ADGRL3: variants seen among roughly 807,000 people sequenced by gnomAD.
ADGRL3 encodes adhesion G protein-coupled receptor L3.
ADGRL3 carries 62 observed loss-of-function variants against 153.5 expected under a neutral mutation model. The ratio of observed to expected loss-of-function variants is 0.40; its 90% CI spans 0.33 to 0.50. The LOEUF (loss-of-function observed/expected upper bound fraction) is 0.50. ADGRL3 is among the 20% of genes least tolerant of loss of function. The pLI, the probability that ADGRL3 is intolerant of heterozygous loss-of-function variation, is 0.47. For synonymous variants in ADGRL3, 710 were observed against 672.5 expected, an observed-to-expected ratio of 1.06 and a Z score of -0.86; for missense variants, 1,641 against 1,859.4, an observed-to-expected ratio of 0.88 and a Z score of 2.16.
chr4:61,584,058 C>CA (rs972365291), intron 4 of ADGRL3, among the ~76,000 whole-genome samples: 25 of 148,738 alleles, frequency 1.7e-4, no homozygotes, highest in African/African-American at 4.4e-4. Flanking sequence ...AACTGAATGG[C>CA]AAAAAACTTT....
At chr4:62,009,550 G>A (rs1036103224) in intron 21 of ADGRL3, among the ~76,000 whole-genome samples, 2 of 152,104 alleles carry the variant, frequency 1.3e-5, no homozygotes, top group East Asian at 3.8e-4. Context: ...AAATAGAAAT[G>A]TACTGAAGTT....
intron 2 of ADGRL3, among the ~76,000 whole-genome samples, chr4:61,406,226 G>A (rs1008218517): frequency 9.2e-5 from 14 of 151,780 alleles, no homozygotes; most frequent in African/African-American, 3.4e-4. Flanking sequence ...CTAACATGTG[G>A]GAAAGCCAAG....
At chr4:61,896,204 T>G (rs894564843) in intron 11 of ADGRL3, among the ~76,000 whole-genome samples, 2 of 152,320 alleles carry the variant, frequency 1.3e-5, no homozygotes, top group Admixed American at 6.5e-5. Context: ...CTTTGGAATC[T>G]TAAGCCATCT....
At chr4:61,708,410 T>C (rs2095893414) in intron 6 of ADGRL3, among the ~76,000 whole-genome samples, 1 of 152,124 alleles carries the variant, frequency 6.6e-6, no homozygotes, top group Admixed American at 6.6e-5. Flanking sequence ...ATATTTAAAA[T>C]ATGGTTTAAA....
chr4:61,742,515 C>G lies in ADGRL3; in HGVS notation c.1399+8961C>G, dbSNP rs370773007. Reference sequence around the variant, plus strand: ...CAGGATGGTCTCTATATCCTGACCTCATGATCCACCCATCTCGGCCTCCCA... The same window carrying G: ...CAGGATGGTCTCTATATCCTGACCTGATGATCCACCCATCTCGGCCTCCCA... On this transcript the variant is annotated intron_variant, in intron 8 of 26. Transcript: ENST00000683033. Among the ~76,000 whole-genome samples, 179 of 152,174 alleles carry G rather than the reference C, an allele frequency of 1.2e-3. 3 individuals are homozygous for G. The highest frequency in any genetic ancestry group is 4.0e-3 in the African/African-American group (166 of 41,514).
chr4:61,825,305 A>T (rs2097790596), intron 9 of ADGRL3, among the ~76,000 whole-genome samples: 1 of 152,190 alleles, frequency 6.6e-6, no homozygotes, highest in South Asian at 2.1e-4. Flanking sequence ...CTCCTTCCCA[A>T]GATTAAGTAT....
intron 9 of ADGRL3, among the ~76,000 whole-genome samples, chr4:61,818,605 T>G (rs2148685547): frequency 6.6e-6 from 1 of 152,270 alleles, no homozygotes; most frequent in Admixed American, 6.5e-5. Context: ...ACATTAGGGA[T>G]TACAATTTGA....
At chr4:61,866,574 C>T (rs1191876967) in intron 9 of ADGRL3, among the ~76,000 whole-genome samples, 1 of 152,066 alleles carries the variant, frequency 6.6e-6, no homozygotes, top group Non-Finnish European at 1.5e-5. Context: ...TAGTACTGGC[C>T]CAGAGCTACT....
At chr4:61,858,266 G>T (rs2098300408) in intron 9 of ADGRL3, among the ~76,000 whole-genome samples, 1 of 152,140 alleles carries the variant, frequency 6.6e-6, no homozygotes, top group African/African-American at 2.4e-5. Flanking sequence ...TTCTGTGGTT[G>T]TAGCCTAGAA....
intron 8 of ADGRL3, among the ~76,000 whole-genome samples, chr4:61,754,259 C>A (rs1208274437): frequency 6.6e-6 from 1 of 152,076 alleles, no homozygotes; most frequent in Non-Finnish European, 1.5e-5. Flanking sequence ...AGTACATATT[C>A]TTATTGAACT....
At chr4:61,494,759 A>T (rs1402348414) in intron 2 of ADGRL3, among the ~76,000 whole-genome samples, 1 of 152,094 alleles carries the variant, frequency 6.6e-6, no homozygotes, top group Non-Finnish European at 1.5e-5. Context: ...TTTGTTTCCC[A>T]TAATATCAAT....
chr4:61,910,214 C>T (rs2098715870), intron 12 of ADGRL3, among the ~76,000 whole-genome samples: 1 of 151,724 alleles, frequency 6.6e-6, no homozygotes, highest in South Asian at 2.1e-4. Context: ...GATTTAAAAA[C>T]TGAGATAATT....
In ADGRL3 at chr4:61,574,819, G is replaced by A. The variant is rs186638238; in HGVS notation, c.260-12408G>A. ...TATAATCCTGAAATGATAATTTTAGGATTTACTGTTTTTGCTCATGTAAAT... is the reference window on the plus strand; with the variant it reads ...TATAATCCTGAAATGATAATTTTAGAATTTACTGTTTTTGCTCATGTAAAT... On this transcript the variant is annotated intron_variant, in intron 4 of 26. Coordinates refer to ENST00000683033, the MANE Select transcript of ADGRL3 (RefSeq NM_001387552.1). 6.4e-3 allele frequency among the ~76,000 whole-genome samples: 965 copies of A among 151,764 alleles called. 6 individuals carry two copies. The highest frequency in any genetic ancestry group is 0.011 in the Non-Finnish European group (722 of 67,768).
chr4:61,362,816 A>G (rs1214525239), intron 1 of ADGRL3, among the ~76,000 whole-genome samples: 1 of 152,130 alleles, frequency 6.6e-6, no homozygotes, highest in Non-Finnish European at 1.5e-5. Context: ...CAAACTATAT[A>G]AAGTTTCATA....
chr4:61,907,693 G>T (rs2149790843), intron 11 of ADGRL3, among the ~76,000 whole-genome samples: 1 of 151,752 alleles, frequency 6.6e-6, no homozygotes, highest in Admixed American at 6.6e-5. Context: ...GATGTGCTGT[G>T]CTCCAAGGGT....
intron 9 of ADGRL3, among the ~76,000 whole-genome samples, chr4:61,873,115 G>T (rs2098455323): frequency 1.3e-5 from 2 of 152,158 alleles, no homozygotes; most frequent in African/African-American, 4.8e-5. Context: ...CATCTATGAG[G>T]TATGCTTATG....
intron 9 of ADGRL3, among the ~76,000 whole-genome samples, chr4:61,881,975 C>G (rs1246320306): frequency 1.3e-5 from 2 of 152,182 alleles, no homozygotes; most frequent in East Asian, 3.8e-4. Context: ...AGAAATCTGT[C>G]AACTCTGATT....
intron 1 of ADGRL3, among the ~76,000 whole-genome samples, chr4:61,287,540 T>A (rs1234301430): frequency 6.6e-6 from 1 of 152,022 alleles, no homozygotes; most frequent in Non-Finnish European, 1.5e-5. Context: ...AATGTTACTG[T>A]TTATGTGCAT....
chr4:61,301,359 T>A (rs1375114683), intron 1 of ADGRL3, among the ~76,000 whole-genome samples: 1 of 152,242 alleles, frequency 6.6e-6, no homozygotes, highest in Non-Finnish European at 1.5e-5. Flanking sequence ...AGAAATATTG[T>A]CTGTACTGGC....
Sources: gnomAD v4.1 joint callset for allele counts (sites outside exome capture counted in the v4.1 genomes callset) on GRCh38, gnomAD v4.1.1 for gene constraint, MANE v1.5 for transcripts, NCBI Gene and HGNC (gene_info 2026-07-23, HGNC 2026-07-21) for gene names.